CASZ1: variants seen among roughly 807,000 people sequenced by gnomAD.
CASZ1 encodes the protein zinc finger protein castor homolog 1.
CASZ1 carries 28 observed loss-of-function variants against 135.2 expected under a neutral mutation model. The observed-to-expected ratio is 0.21, with a 90% CI of 0.15 to 0.28. The LOEUF (loss-of-function observed/expected upper bound fraction) is 0.28. CASZ1 is among the 10% of genes least tolerant of loss of function. The probability of loss-of-function intolerance (pLI) is 1.00; values close to 1 mark genes in which losing one functional copy is unlikely to be tolerated. For synonymous variants in CASZ1, 1,068 were observed against 1,073.4 expected (o/e 0.99, Z 0.10); for missense variants, 2,161 against 2,453.3 (o/e 0.88, Z 2.52).
intron 10 of CASZ1, 23 bp downstream of exon 10, chr1:10,654,396 G>A: frequency 6.2e-7 from 1 of 1,609,352 alleles, no homozygotes; most frequent in Non-Finnish European, 8.5e-7. Context: ...GCCCACGAAG[G>A]CCCCCACCAG....
chr1:10,639,654 C>T lies in CASZ1; in HGVS notation c.4568G>A (p.Arg1523His). 1.2e-6 allele frequency: 2 copies of T among 1,605,264 alleles called. No individual in the cohort carries two copies. The highest frequency in any genetic ancestry group is 8.5e-7 in the Non-Finnish European group (1 of 1,177,692). Residue 1523 changes from arginine (R) to histidine (H), a missense_variant, in exon 21 of 21, where the codon CGC (arginine) becomes CAC (histidine). This residue lies in a region of CASZ1 where 240 missense variants were observed against 321.4 expected (regional missense o/e 0.75). Transcript: ENST00000377022. The surrounding 1 kb of genome is among the most constrained non-coding windows in gnomAD (Gnocchi z 4.0). ...CGTGACCTTGGTGCTGTCGGTGCAG[C>T]GGAAGCGGCAGCGCAGGCAGTGGAA... is the stretch of plus-strand genomic sequence containing the variant. ...THFHCLRCRF[R>H]CTDSTKVTAH...
rs1642536266 is a variant in CASZ1 at position 10,650,610 on chromosome 1, A to C, written c.2880+82T>G. 5 of 1,201,346 alleles carry C rather than the reference A, an allele frequency of 4.2e-6. No homozygotes were observed. The Admixed American group carries it at 7.0e-5, about 17-fold the overall frequency. 74.4% of individuals were successfully genotyped at this position (1,201,346 alleles called of 1,614,324 possible). On this transcript the variant is annotated intron_variant, in intron 13 of 20. Coordinates refer to ENST00000377022, the MANE Select transcript of CASZ1 (RefSeq NM_001079843.3). ...CTTATTAGAGGCAAAACATTAAAAA[A>C]CAAACACATCCCCCCACCCCCCAGC...
intron 13 of CASZ1, 101 bp from the exon 14 acceptor site, chr1:10,649,538 C>A: frequency 7.3e-7 from 1 of 1,362,160 alleles, no homozygotes; most frequent in Non-Finnish European, 9.9e-7. Context: ...TGGGACCCAC[C>A]CAGCCCTCAG....
intron 4 of CASZ1, among the ~76,000 whole-genome samples, chr1:10,665,870 G>C (rs1643218286): frequency 6.6e-6 from 1 of 152,200 alleles, no homozygotes; most frequent in Admixed American, 6.5e-5. Flanking sequence ...TCAACTACAA[G>C]GGGCGCCCAG....
intron 2 of CASZ1, among the ~76,000 whole-genome samples, chr1:10,758,602 G>T (rs1224622420): frequency 6.6e-6 from 1 of 152,150 alleles, no homozygotes; most frequent in Non-Finnish European, 1.5e-5. Flanking sequence ...AAAGTGCTGG[G>T]ATTACAGGCT....
At chr1:10,753,854 AATCAG>A (rs770151272) in intron 2 of CASZ1, among the ~76,000 whole-genome samples, 22 of 152,142 alleles carry the variant, frequency 1.4e-4, no homozygotes, top group Non-Finnish European at 2.9e-5. Context: ...GCTTGTTCCT[AATCAG>A]ATCATGGCAC....
Position 10,747,382 on chromosome 1 carries a change from T to C in CASZ1, c.-77+13319A>G, listed in dbSNP as rs1478117661. ...CTTACCAAGTGCTAAGTCTAGCACC[T>C]GCCAAACCGTGGCGGAAGCAATGGC... On this transcript the variant is annotated intron_variant, in intron 2 of 20. Coordinates refer to ENST00000377022, the MANE Select transcript of CASZ1 (RefSeq NM_001079843.3). The surrounding 1 kb of genome is among the most constrained non-coding windows in gnomAD (Gnocchi z 4.3). Among the ~76,000 whole-genome samples the C allele has an allele frequency of 6.6e-6, 1 of 152,206 alleles. No individual in the cohort carries two copies. The highest frequency in any genetic ancestry group is 1.5e-5 in the Non-Finnish European group (1 of 68,046).
chr1:10,689,940 C>T (rs1216069103), intron 4 of CASZ1, among the ~76,000 whole-genome samples: 1 of 152,232 alleles, frequency 6.6e-6, no homozygotes, highest in Non-Finnish European at 1.5e-5. Flanking sequence ...TCCGAGATGG[C>T]CCATTCTGTC....
chr1:10,772,918 A>G (rs1005368895), intron 1 of CASZ1, among the ~76,000 whole-genome samples: 1 of 152,098 alleles, frequency 6.6e-6, no homozygotes, highest in Non-Finnish European at 1.5e-5. Flanking sequence ...TCCGCCTGCC[A>G]TGACAGCAGG....
At chr1:10,772,042 A>G (rs1640586421) in intron 1 of CASZ1, among the ~76,000 whole-genome samples, 1 of 152,232 alleles carries the variant, frequency 6.6e-6, no homozygotes, top group Admixed American at 6.5e-5. Flanking sequence ...TGCCAAGGCA[A>G]CAGTGAGAGG....
At chr1:10,667,178 T>A (rs1469429770) in intron 4 of CASZ1, among the ~76,000 whole-genome samples, 2 of 152,138 alleles carry the variant, frequency 1.3e-5, no homozygotes, top group Non-Finnish European at 2.9e-5. Flanking sequence ...ATCCCTGAGG[T>A]GGACTTGACT....
At chr1:10,655,521 A>C in intron 9 of CASZ1, 128 bp downstream of exon 9, 2 of 897,910 alleles carry the variant, frequency 2.2e-6, no homozygotes, top group Non-Finnish European at 1.7e-6. Context: ...GCCAGGGGAA[A>C]GAGAGGCTCC....
At position 10,659,811 on chromosome 1, in the gene CASZ1, C is replaced by T. The variant is rs746340050; in HGVS notation, c.1231G>A (p.Gly411Arg). Reference sequence around the variant, plus strand: ...GAGGCAGGAGGCTCTGGCCCTGGCCCGGGGGCGCTGGGGGCACTGGGCACG... The same window carrying T: ...GAGGCAGGAGGCTCTGGCCCTGGCCTGGGGGCGCTGGGGGCACTGGGCACG... ...ASVPSAPSAPGPGPEPPASLS... is the reference protein window; with the variant it reads ...ASVPSAPSAPRPGPEPPASLS... The change falls in exon 6 of 21, where the codon GGG becomes AGG. Residue 411 changes from glycine to arginine, a missense_variant. Coordinates refer to ENST00000377022, the MANE Select transcript of CASZ1 (RefSeq NM_001079843.3). 39 of 1,612,324 alleles carry T rather than the reference C, an allele frequency of 2.4e-5. No individual in the cohort carries two copies. The highest frequency in any genetic ancestry group is 2.9e-5 in the Non-Finnish European group (34 of 1,179,546).
At chr1:10,650,796 G>A in intron 12 of CASZ1, 41 bp from the exon 13 acceptor site, 1 of 1,607,004 alleles carries the variant, frequency 6.2e-7, no homozygotes, top group South Asian at 1.1e-5. Context: ...CAGACGGCCG[G>A]GGCCTGGGCC....
intron 2 of CASZ1, among the ~76,000 whole-genome samples, chr1:10,749,935 A>G (rs1056898806): frequency 2.6e-5 from 4 of 152,164 alleles, no homozygotes; most frequent in Non-Finnish European, 5.9e-5. Context: ...CCGGAGCATC[A>G]CAGACACCCC....
intron 1 of CASZ1, among the ~76,000 whole-genome samples, chr1:10,769,072 G>A (rs1010365632): frequency 1.3e-5 from 2 of 152,180 alleles, no homozygotes; most frequent in Admixed American, 6.5e-5. Flanking sequence ...CCTGGGAGGC[G>A]GAGGTTGCAG....
intron 4 of CASZ1, among the ~76,000 whole-genome samples, chr1:10,683,276 GCA>G (rs1203212818): frequency 6.6e-6 from 1 of 152,138 alleles, no homozygotes; most frequent in Non-Finnish European, 1.5e-5. Context: ...ACCTCCTAAA[GCA>G]CAGTGTGGTC....
chr1:10,640,707 C>T (rs1474802596), intron 20 of CASZ1, among the ~76,000 whole-genome samples: 3 of 152,176 alleles, frequency 2.0e-5, no homozygotes, highest in African/African-American at 2.4e-5. Context: ...GATGGAGGAC[C>T]AGGACTCAGG....
rs1639624651 is a variant in CASZ1 at position 10,727,833 on chromosome 1, C to T, written c.-76-22289G>A. 1.3e-5 allele frequency among the ~76,000 whole-genome samples: 2 copies of T among 152,202 alleles called. No homozygotes were observed. Among genetic ancestry groups the T allele is most frequent in the Admixed American group, 6.5e-5 (1 of 15,280 alleles). ...GTGCCGACCTGGGAACCTGTGGAGC[C>T]CCTGGCTAGTGGCCAGACAGCATGT... On this transcript the variant is annotated intron_variant, in intron 2 of 20. Coordinates refer to ENST00000377022, the MANE Select transcript of CASZ1 (RefSeq NM_001079843.3). This position sits in a 1 kb window ranked among gnomAD's most constrained non-coding sequence, Gnocchi z 5.3.
Sources: gnomAD v4.1 joint callset for allele counts (sites outside exome capture counted in the v4.1 genomes callset) on GRCh38, gnomAD v4.1.1 for gene constraint, gnomAD v4.1.1 regional missense constraint, Gnocchi (gnomAD v3.1) non-coding constraint, MANE v1.5 for transcripts, NCBI Gene and HGNC (gene_info 2026-07-23, HGNC 2026-07-21) for gene names.